The following DLC1 variants were observed in gnomAD, a reference collection of about 807,000 sequenced individuals.
The protein encoded by DLC1 is DLC1 Rho GTPase activating protein, also known as rho GTPase-activating protein 7.
Under a neutral mutation model 140.3 loss-of-function variants are expected in DLC1, and 54 were observed. The observed-to-expected ratio is 0.38, with a 90% CI of 0.31 to 0.48. The LOEUF is 0.48. Among genes scored for constraint, DLC1 ranks in the 20% least tolerant of loss-of-function variants. The pLI is 0.96. For missense variants in DLC1, 2,536 were observed against 1,907.0 expected (o/e 1.33, Z -6.14); for synonymous variants, 986 against 728.1 (o/e 1.35, Z -5.70).
chr8:13,583,419 C>G (rs1188138871), intron 1 of DLC1, among the ~76,000 whole-genome samples: 1 of 152,168 alleles, frequency 6.6e-6, no homozygotes, highest in East Asian at 1.9e-4. Context: ...GGTTTTCTCA[C>G]AAGATTGCAG....
At chr8:13,112,763 C>T (rs1309406475) in intron 6 of DLC1, among the ~76,000 whole-genome samples, 1 of 152,050 alleles carries the variant, frequency 6.6e-6, no homozygotes, top group Admixed American at 6.6e-5. Context: ...GCCAGGTTGG[C>T]CTTGAACTCC....
chr8:13,374,100 G>A (rs577627640), intron 4 of DLC1, among the ~76,000 whole-genome samples: 1 of 152,158 alleles, frequency 6.6e-6, no homozygotes, highest in Non-Finnish European at 1.5e-5. Flanking sequence ...AATGCTATAA[G>A]TGAATGAACT....
chr8:13,228,464 C>T (rs1585959187), intron 5 of DLC1, among the ~76,000 whole-genome samples: 1 of 152,200 alleles, frequency 6.6e-6, no homozygotes, highest in East Asian at 1.9e-4. Flanking sequence ...GACAAAGGGT[C>T]AGGCGTGATG....
intron 2 of DLC1, among the ~76,000 whole-genome samples, chr8:13,471,025 T>C (rs929847322): frequency 2.6e-5 from 4 of 151,958 alleles, no homozygotes; most frequent in African/African-American, 4.8e-5. Context: ...AGTATGCAAA[T>C]GAAATAAGCC....
chr8:13,265,534 G>A (rs190609183), intron 5 of DLC1, among the ~76,000 whole-genome samples: 189 of 152,296 alleles, frequency 1.2e-3, no homozygotes, highest in Middle Eastern at 6.8e-3. Flanking sequence ...ATGAGAGCTC[G>A]GAATGTGTGT....
chr8:13,453,449 C>CACAT lies in DLC1; in HGVS notation c.1023+45599_1023+45600insATGT, dbSNP rs1554523071. Among the ~76,000 whole-genome samples the CACAT allele has an allele frequency of 2.8e-4, 3 of 10,556 alleles. 1 individual carries two copies. Among genetic ancestry groups the CACAT allele is most frequent in the Non-Finnish European group, 4.2e-4 (3 of 7,078 alleles). 6.9% of individuals were successfully genotyped at this position (10,556 alleles called of 152,430 possible). A position where few individuals can be genotyped will look rare whatever the true frequency, so the allele number is the denominator to read the frequency against. ...GTGTATATATATATGTATATATATA[C>CACAT]ATATATATATGTATATATATACATA... On this transcript the variant is annotated intron_variant, in intron 2 of 17. Transcript: ENST00000276297.
At chr8:13,164,466 G>A (rs1170910186) in intron 5 of DLC1, among the ~76,000 whole-genome samples, 1 of 152,082 alleles carries the variant, frequency 6.6e-6, no homozygotes, top group African/African-American at 2.4e-5. Context: ...AAGGCAGTAG[G>A]GCTGGTAGTT....
intron 5 of DLC1, among the ~76,000 whole-genome samples, chr8:13,179,307 G>T (rs576798056): frequency 1.9e-4 from 28 of 147,378 alleles, no homozygotes; most frequent in African/African-American, 7.3e-4. Context: ...CTGCAGAGTT[G>T]GTTGGTAATG....
chr8:13,575,899 C>G (rs1281882195), intron 1 of DLC1, among the ~76,000 whole-genome samples: 3 of 152,152 alleles, frequency 2.0e-5, no homozygotes, highest in Non-Finnish European at 2.9e-5. Flanking sequence ...CATGTGTAAC[C>G]TTAACATATT....
chr8:13,102,300 T>A (rs781330421), intron 8 of DLC1, among the ~76,000 whole-genome samples: 1 of 152,204 alleles, frequency 6.6e-6, no homozygotes, highest in African/African-American at 2.4e-5. Flanking sequence ...GTGTGGGATC[T>A]CCTGCCTTCT....
At chr8:13,401,701 CA>C (rs1423330388) in intron 2 of DLC1, 82 bp from the exon 3 acceptor site, 2 of 1,514,754 alleles carry the variant, frequency 1.3e-6, no homozygotes, top group African/African-American at 1.4e-5. Context: ...TTCAATGTGA[CA>C]AAAAGTACAC....
chr8:13,401,476 G>A lies in DLC1; in HGVS notation c.1167C>T (p.His389=), dbSNP rs562065329. 4.7e-5 allele frequency: 75 copies of A among 1,612,250 alleles called. No individual in the cohort carries two copies. The highest frequency in any genetic ancestry group is 3.0e-4 in the Admixed American group (18 of 59,986). ...PSGTPTNLRR[H]VPDLESGSES... ...TAGAAAGTGGAAAGCTCACAGGAACGTGCCGCCGCAGGTTTGTTGGTGTGC... is the reference window on the plus strand; with the variant it reads ...TAGAAAGTGGAAAGCTCACAGGAACATGCCGCCGCAGGTTTGTTGGTGTGC... The change falls in exon 3 of 18, where the codon CAC becomes CAT. Residue 389 remains histidine, a synonymous_variant. Transcript: ENST00000276297.
intron 2 of DLC1, among the ~76,000 whole-genome samples, chr8:13,406,511 C>G (rs1837568777): frequency 6.6e-6 from 1 of 152,150 alleles, no homozygotes; most frequent in East Asian, 1.9e-4. Context: ...ACAGAAATAG[C>G]AGTGTCTTTA....
intron 1 of DLC1, among the ~76,000 whole-genome samples, chr8:13,601,920 T>G (rs1805900061): frequency 1.3e-5 from 2 of 151,844 alleles, no homozygotes; most frequent in Non-Finnish European, 1.5e-5. Context: ...GTGTCCACTA[T>G]TTTTCAGAAT....
At chr8:13,482,837 T>C (rs1273714366) in intron 2 of DLC1, among the ~76,000 whole-genome samples, 1 of 152,214 alleles carries the variant, frequency 6.6e-6, no homozygotes, top group Non-Finnish European at 1.5e-5. Flanking sequence ...ACACTGGGCA[T>C]ATGCTAGCTG....
At chr8:13,351,049 C>G (rs1037970807) in intron 4 of DLC1, among the ~76,000 whole-genome samples, 1 of 152,250 alleles carries the variant, frequency 6.6e-6, no homozygotes, top group Admixed American at 6.5e-5. Flanking sequence ...AATTTAGGGA[C>G]AGTTTTCATG....
chr8:13,576,808 T>A (rs368264312), intron 1 of DLC1, among the ~76,000 whole-genome samples: 7 of 152,188 alleles, frequency 4.6e-5, no homozygotes, highest in Non-Finnish European at 7.3e-5. Context: ...GCAAGGACTG[T>A]GTGCAAGGAT....
intron 3 of DLC1, among the ~76,000 whole-genome samples, chr8:13,397,616 G>C (rs1192565073): frequency 6.6e-6 from 1 of 151,812 alleles, no homozygotes; most frequent in African/African-American, 2.4e-5. Flanking sequence ...ACTGCTTGAG[G>C]CCAGGAGCTC....
rs1412526563 is a variant in DLC1, at chr8:13,364,735, G to C, written c.1314+28818C>G. ...ATTTTTAAAATTATCACATGCTATA[G>C]ACATCTTTGTCAGCCTTTCAAAGAC... On this transcript the variant is annotated intron_variant, in intron 4 of 17. Transcript: ENST00000276297. Among the ~76,000 whole-genome samples, 5 of 152,250 alleles carry C rather than the reference G, an allele frequency of 3.3e-5. No individual in the cohort carries two copies. In the East Asian group the frequency reaches 9.7e-4, roughly 29 times the overall value.
Sources: allele counts gnomAD v4.1 joint callset (sites outside exome capture counted in the v4.1 genomes callset), GRCh38; gene constraint gnomAD v4.1.1; transcripts MANE v1.5; gene names NCBI Gene and HGNC (gene_info 2026-07-23, HGNC 2026-07-21).